The following CDH13 variants were observed in gnomAD, a reference collection of about 807,000 sequenced individuals.
CDH13 encodes the protein cadherin 13, also known as cadherin-13.
CDH13 carries 24 observed loss-of-function variants against 63.8 expected under a neutral mutation model. That is an observed-to-expected ratio of 0.38 (90% confidence interval 0.27 to 0.53). CDH13 has a LOEUF of 0.53. Among genes scored for constraint, CDH13 ranks in the 20% least tolerant of loss-of-function variants. The pLI is 0.85. For synonymous variants in CDH13, 503 were observed against 355.3 expected (o/e 1.42, Z -4.67); for missense variants, 1,049 against 903.1 (o/e 1.16, Z -2.07).
intron 7 of CDH13, among the ~76,000 whole-genome samples, chr16:83,527,317 C>T (rs2074987069): frequency 1.3e-5 from 2 of 151,528 alleles, no homozygotes; most frequent in South Asian, 2.1e-4. Flanking sequence ...GGCATGGTGG[C>T]AGGTGCCTGT....
chr16:82,831,421 G>C (rs2038535815), intron 1 of CDH13, among the ~76,000 whole-genome samples: 2 of 151,988 alleles, frequency 1.3e-5, no homozygotes, highest in African/African-American at 2.4e-5. Flanking sequence ...AGTGCTGGGG[G>C]TTGGGAGATC....
chr16:83,089,912 G>C (rs10438638), intron 3 of CDH13, among the ~76,000 whole-genome samples: 30,247 of 151,920 alleles, frequency 0.2, 4,784 homozygotes, highest in African/African-American at 0.44. Context: ...CATTTATAAC[G>C]ACATCCTAAG....
intron 3 of CDH13, among the ~76,000 whole-genome samples, chr16:83,112,802 C>A (rs147631006): frequency 2.6e-5 from 4 of 152,156 alleles, no homozygotes; most frequent in African/African-American, 4.8e-5. Flanking sequence ...ATTTACCAGA[C>A]CTTCGTGAGC....
intron 6 of CDH13, among the ~76,000 whole-genome samples, chr16:83,472,367 C>G (rs1303263112): frequency 6.6e-6 from 1 of 152,196 alleles, no homozygotes; most frequent in African/African-American, 2.4e-5. Context: ...CCCAGACTTT[C>G]TTTAACAAAG....
At chr16:83,263,885 T>TA (rs1907278839) in intron 5 of CDH13, among the ~76,000 whole-genome samples, 1 of 150,810 alleles carries the variant, frequency 6.6e-6, no homozygotes, top group African/African-American at 2.4e-5. Flanking sequence ...GCTGAATTTT[T>TA]TAAAAAAAAT....
At chr16:82,664,677 A>G (rs1031203643) in intron 1 of CDH13, among the ~76,000 whole-genome samples, 1 of 152,224 alleles carries the variant, frequency 6.6e-6, no homozygotes, top group Non-Finnish European at 1.5e-5. Flanking sequence ...ATTTTCAAAG[A>G]GAAGAAAATC....
At chr16:83,405,930 G>T (rs147140307) in intron 6 of CDH13, among the ~76,000 whole-genome samples, 1 of 152,304 alleles carries the variant, frequency 6.6e-6, no homozygotes, top group East Asian at 1.9e-4. Flanking sequence ...AGTTAGAACA[G>T]GCAGCCAATG....
intron 6 of CDH13, among the ~76,000 whole-genome samples, chr16:83,405,587 C>A (rs1239345272): frequency 1.3e-5 from 2 of 152,184 alleles, no homozygotes; most frequent in Non-Finnish European, 2.9e-5. Flanking sequence ...GACTCCCGAC[C>A]TCCAGAACTG....
intron 1 of CDH13, among the ~76,000 whole-genome samples, chr16:82,834,468 T>TA (rs950158817): frequency 6.6e-6 from 1 of 151,688 alleles, no homozygotes; most frequent in African/African-American, 2.4e-5. Flanking sequence ...TTTCCCCCTC[T>TA]AAAAAAAAGA....
intron 1 of CDH13, among the ~76,000 whole-genome samples, chr16:82,784,691 T>G (rs2151121801): frequency 6.6e-6 from 1 of 152,218 alleles, no homozygotes; most frequent in Middle Eastern, 3.4e-3. Flanking sequence ...TGAGAGCTGG[T>G]AACTCTCTCT....
At chr16:82,922,254 T>A (rs116607762) in intron 2 of CDH13, among the ~76,000 whole-genome samples, 267 of 152,284 alleles carry the variant, frequency 1.8e-3, no homozygotes, top group Middle Eastern at 0.01. Flanking sequence ...TTGTACCTTT[T>A]TTGTGTACTT....
intron 1 of CDH13, among the ~76,000 whole-genome samples, chr16:82,666,317 A>G (rs1288397059): frequency 6.6e-6 from 1 of 152,204 alleles, no homozygotes; most frequent in Non-Finnish European, 1.5e-5. Flanking sequence ...TATTTTAAGT[A>G]ACAGCACTGC....
chr16:83,727,954 T>G (rs530540741), intron 10 of CDH13, among the ~76,000 whole-genome samples: 25 of 152,254 alleles, frequency 1.6e-4, no homozygotes, highest in Non-Finnish European at 3.2e-4. Flanking sequence ...ACTGATGGAT[T>G]TGGAGGGAAG....
At chr16:82,912,940 C>T (rs1261850873) in intron 2 of CDH13, among the ~76,000 whole-genome samples, 1 of 138,298 alleles carries the variant, frequency 7.2e-6, no homozygotes, top group Non-Finnish European at 1.5e-5. Flanking sequence ...GAGACTGTGA[C>T]TAAAAAAAAA....
At chr16:82,668,365 A>C (rs1178730036) in intron 1 of CDH13, among the ~76,000 whole-genome samples, 1 of 152,098 alleles carries the variant, frequency 6.6e-6, no homozygotes, top group Admixed American at 6.6e-5. Context: ...CATATTGCCT[A>C]AGCTGTTATT....
At position 83,047,072 on chromosome 16, in the gene CDH13, T is replaced by A. The variant is rs1917857717; in HGVS notation, c.366+14854T>A. The stretch of plus-strand genomic sequence containing the variant: ...AACCCCTTCATCGAGTCAGGCAAAT[T>A]AGGATTCCTTTGACAGCAACTTTTT... On this transcript the variant is annotated intron_variant, in intron 3 of 13. Transcript: ENST00000567109. The surrounding 1 kb of genome is among the most constrained non-coding windows in gnomAD (Gnocchi z 4.9). 6.6e-6 allele frequency among the ~76,000 whole-genome samples: 1 copy of A among 152,144 alleles called. No individual in the cohort carries two copies. Among genetic ancestry groups the A allele is most frequent in the Non-Finnish European group, 1.5e-5 (1 of 68,030 alleles).
Position 83,032,147 on chromosome 16 carries a change from C to T in CDH13, c.295C>T (p.Arg99Trp), listed in dbSNP as rs201332621. ...GGGCAAAACTCTGTTCGTCCATGCA[C>T]GGACCCCCCATGCGGAAGATATGGC... ...AVGKTLFVHA[R>W]TPHAEDMAEL... is the part of the protein sequence containing the mutation. The change falls in exon 3 of 14, where the codon CGG (arginine) becomes TGG (tryptophan). Residue 99 changes from arginine to tryptophan, a missense_variant. Coordinates refer to ENST00000567109, the MANE Select transcript of CDH13 (RefSeq NM_001257.5). The T allele has an allele frequency of 2.0e-4, 325 of 1,613,644 alleles. 1 individual carries two copies. The highest frequency in any genetic ancestry group is 1.4e-3 in the East Asian group (64 of 44,786).
At chr16:82,783,176 G>A (rs1015578916) in intron 1 of CDH13, among the ~76,000 whole-genome samples, 2 of 152,218 alleles carry the variant, frequency 1.3e-5, no homozygotes, top group Non-Finnish European at 2.9e-5. Context: ...AGGAGCATGG[G>A]CAATCCATAC....
At chr16:82,893,239 A>G (rs1187530141) in intron 2 of CDH13, among the ~76,000 whole-genome samples, 6 of 152,262 alleles carry the variant, frequency 3.9e-5, no homozygotes, top group African/African-American at 1.4e-4. Flanking sequence ...ATAAAATCAC[A>G]CAAATACATA....
Sources: gnomAD v4.1 joint callset for allele counts (sites outside exome capture counted in the v4.1 genomes callset) on GRCh38, gnomAD v4.1.1 for gene constraint, Gnocchi (gnomAD v3.1) non-coding constraint, MANE v1.5 for transcripts, NCBI Gene and HGNC (gene_info 2026-07-23, HGNC 2026-07-21) for gene names.